The following CSMD1 variants were observed in gnomAD, a reference collection of about 807,000 sequenced individuals.
CSMD1 encodes CUB and sushi domain-containing protein 1.
Under a neutral mutation model 417.5 loss-of-function variants are expected in CSMD1, and 213 were observed. The observed-to-expected ratio is 0.51, with a 90% CI of 0.46 to 0.57. The LOEUF is 0.57. Among genes scored for constraint, CSMD1 ranks in the 20% least tolerant of loss-of-function variants. CSMD1 has a pLI of 0.00. For missense variants in CSMD1, 6,923 were observed against 4,529.7 expected, an observed-to-expected ratio of 1.53 and a Z score of -15.17; for synonymous variants, 2,862 against 1,736.8, an observed-to-expected ratio of 1.65 and a Z score of -16.11.
intron 5 of CSMD1, among the ~76,000 whole-genome samples, chr8:3,835,336 A>ATG (rs1802618941): frequency 6.6e-6 from 1 of 152,176 alleles, no homozygotes; most frequent in Non-Finnish European, 1.5e-5. Context: ...CAACAACGAC[A>ATG]GACTGGATTA....
chr8:3,653,309 T>C (rs774201350), intron 7 of CSMD1, among the ~76,000 whole-genome samples: 1 of 152,072 alleles, frequency 6.6e-6, no homozygotes, highest in South Asian at 2.1e-4. Context: ...TTATGGGGGT[T>C]CTTTTGTTGT....
chr8:4,272,371 C>G (rs1313993385), intron 3 of CSMD1, among the ~76,000 whole-genome samples: 2 of 152,152 alleles, frequency 1.3e-5, no homozygotes, highest in African/African-American at 4.8e-5. Context: ...TACATCCTTT[C>G]ACCTGAAGTC....
At position 3,269,967 on chromosome 8, in the gene CSMD1, A is replaced by G. The variant is rs555504848; in HGVS notation, c.4153+14177T>C. On this transcript the variant is annotated intron_variant, in intron 26 of 69. Transcript: ENST00000635120. ...CACATAAAGCAAAGTTTAGGTCACAACCCTACTCCATTGATGGCCATCAAC... is the reference window on the plus strand; with the variant it reads ...CACATAAAGCAAAGTTTAGGTCACAGCCCTACTCCATTGATGGCCATCAAC... Among the ~76,000 whole-genome samples, 11 of 151,942 alleles carry G rather than the reference A, an allele frequency of 7.2e-5. No homozygotes were observed. In the South Asian group the frequency reaches 1.9e-3, roughly 26 times the overall value.
At chr8:3,872,898 GAACA>G (rs1032053880) in intron 5 of CSMD1, among the ~76,000 whole-genome samples, 3 of 148,062 alleles carry the variant, frequency 2.0e-5, no homozygotes, top group Non-Finnish European at 4.5e-5. Context: ...CAAACAACAT[GAACA>G]GACACTTCTG....
intron 25 of CSMD1, among the ~76,000 whole-genome samples, chr8:3,304,377 C>A (rs972608253): frequency 2.0e-5 from 3 of 152,026 alleles, no homozygotes; most frequent in Non-Finnish European, 4.4e-5. Flanking sequence ...AGTATTAGTA[C>A]AATTTTAAGT....
chr8:4,787,283 C>G (rs930138377), intron 1 of CSMD1: 1 of 654,142 alleles, frequency 1.5e-6, no homozygotes, highest in Non-Finnish European at 2.8e-6. Context: ...TTTTCTAGAG[C>G]TCTGCCTCAC....
intron 12 of CSMD1, among the ~76,000 whole-genome samples, chr8:3,430,360 T>G (rs1024670568): frequency 3.3e-5 from 5 of 152,212 alleles, no homozygotes; most frequent in Non-Finnish European, 7.3e-5. Flanking sequence ...TTAAACTAGA[T>G]TATAAACACC....
chr8:3,396,025 T>C (rs1811670210), intron 17 of CSMD1, among the ~76,000 whole-genome samples, 169 bp downstream of exon 17: 2 of 152,208 alleles, frequency 1.3e-5, no homozygotes, highest in Non-Finnish European at 2.9e-5. Flanking sequence ...TCCAAGATGC[T>C]CTCTTATGAA....
intron 2 of CSMD1, among the ~76,000 whole-genome samples, chr8:4,626,807 T>C (rs147884900): frequency 6.6e-6 from 1 of 152,302 alleles, no homozygotes; most frequent in African/African-American, 2.4e-5. Flanking sequence ...GAGTTCTGAA[T>C]TCTGTTCTAG....
intron 26 of CSMD1, among the ~76,000 whole-genome samples, chr8:3,251,457 G>T (rs187082238): frequency 1.3e-5 from 2 of 152,118 alleles, no homozygotes; most frequent in Admixed American, 6.5e-5. Flanking sequence ...TGCTGTTTTG[G>T]TTACTGTAGC....
chr8:4,639,334 C>T (rs1459853893), intron 1 of CSMD1, among the ~76,000 whole-genome samples: 1 of 148,194 alleles, frequency 6.7e-6, no homozygotes, highest in Non-Finnish European at 1.5e-5. Flanking sequence ...CCAACTGAAG[C>T]AAGAGGAGCC....
At chr8:3,546,307 G>GGGGGGATCATGAGGTC (rs1798660203) in intron 10 of CSMD1, among the ~76,000 whole-genome samples, 1 of 151,940 alleles carries the variant, frequency 6.6e-6, no homozygotes, top group African/African-American at 2.4e-5. Flanking sequence ...AGGCCAAGGT[G>GGGGGGATCATGAGGTC]GGGGGATCAT....
At chr8:3,186,864 A>C (rs1258646440) in intron 36 of CSMD1, among the ~76,000 whole-genome samples, 1 of 152,242 alleles carries the variant, frequency 6.6e-6, no homozygotes, top group Non-Finnish European at 1.5e-5. Flanking sequence ...AAACAGAGAT[A>C]GCAATAATCC....
rs1242306069 is a variant in CSMD1, at chr8:3,751,320, GTGTGTGTATATA to G, written c.931+2598_931+2609del. On this transcript the variant is annotated intron_variant, in intron 6 of 69. Transcript: ENST00000635120. ...TTGAAGTGTGTGTGTGTGTGTGTGT[GTGTGTGTATATA>G]TATATATATACACGAACACACATCT... 2.9e-4 allele frequency among the ~76,000 whole-genome samples: 42 copies of G among 146,078 alleles called. No homozygotes were observed. The South Asian group carries it at 9.2e-3, about 32-fold the overall frequency.
intron 3 of CSMD1, among the ~76,000 whole-genome samples, chr8:4,332,659 C>T (rs922685408): frequency 6.6e-6 from 1 of 151,258 alleles, no homozygotes. Context: ...CTCATTACTA[C>T]CGTTTTGCTA....
chr8:3,227,444 G>C (rs906718469), intron 27 of CSMD1, among the ~76,000 whole-genome samples: 1 of 152,020 alleles, frequency 6.6e-6, no homozygotes, highest in Non-Finnish European at 1.5e-5. Flanking sequence ...AGAAATATGC[G>C]AGTTTGTAGA....
rs149024904 is a variant in CSMD1, at chr8:4,667,368, G to A, written c.86-29810C>T. Among the ~76,000 whole-genome samples the A allele has an allele frequency of 2.6e-4, 40 of 151,924 alleles. 1 individual carries two copies. The East Asian group carries it at 7.0e-3, about 27-fold the overall frequency. On this transcript the variant is annotated intron_variant, in intron 1 of 69. Coordinates refer to ENST00000635120, the MANE Select transcript of CSMD1 (RefSeq NM_033225.6). ...TGCTTTTCTGCAAACATTCGAGAGTGAATTTGTCCTTTTCTTCAAAATGCC... is the reference window on the plus strand; with the variant it reads ...TGCTTTTCTGCAAACATTCGAGAGTAAATTTGTCCTTTTCTTCAAAATGCC...
chr8:3,347,661 C>A (rs1203916727), intron 22 of CSMD1, among the ~76,000 whole-genome samples: 5 of 152,146 alleles, frequency 3.3e-5, no homozygotes, highest in Non-Finnish European at 5.9e-5. Context: ...TGTATTAAAT[C>A]CTCAAGACAG....
At chr8:3,632,628 G>C (rs1351929717) in intron 7 of CSMD1, among the ~76,000 whole-genome samples, 2 of 152,138 alleles carry the variant, frequency 1.3e-5, no homozygotes, top group Non-Finnish European at 2.9e-5. Context: ...TCTCCTGAAA[G>C]AATTCCTTTA....
Sources: gnomAD v4.1 joint callset for allele counts (sites outside exome capture counted in the v4.1 genomes callset) on GRCh38, gnomAD v4.1.1 for gene constraint, MANE v1.5 for transcripts, NCBI Gene and HGNC (gene_info 2026-07-23, HGNC 2026-07-21) for gene names.